The following SLC16A10 variants were observed in gnomAD, a reference collection of about 807,000 sequenced individuals.
SLC16A10 encodes solute carrier family 16 member 10, also known as monocarboxylate transporter 10.
In SLC16A10, 27 loss-of-function variants were observed where a neutral mutation model predicts 40.0. The observed-to-expected ratio is 0.67, with a 90% CI of 0.50 to 0.93. The LOEUF (loss-of-function observed/expected upper bound fraction) is 0.93. SLC16A10 is among the 40% of genes least tolerant of loss of function. SLC16A10 has a pLI of 0.00. For missense variants in SLC16A10, 529 were observed against 658.2 expected (o/e 0.80, Z 2.15); for synonymous variants, 213 against 249.8 (o/e 0.85, Z 1.39).
chr6:111,145,852 C>T (rs532819286), intron 1 of SLC16A10, among the ~76,000 whole-genome samples: 4 of 152,236 alleles, frequency 2.6e-5, no homozygotes, highest in Non-Finnish European at 4.4e-5. Context: ...TTGTCTGCTC[C>T]ACCCCTCCTC....
At chr6:111,128,699 G>A (rs1259901075) in intron 1 of SLC16A10, among the ~76,000 whole-genome samples, 3 of 152,070 alleles carry the variant, frequency 2.0e-5, no homozygotes, top group Admixed American at 1.3e-4. Context: ...GTTCCTTATA[G>A]AAGATGGAAG....
intron 1 of SLC16A10, among the ~76,000 whole-genome samples, chr6:111,157,840 A>C (rs1194990045): frequency 2.6e-5 from 4 of 151,966 alleles, no homozygotes; most frequent in Non-Finnish European, 4.4e-5. Context: ...AATTCCAAAT[A>C]GTTTATGTAG....
Position 111,206,643 on chromosome 6 carries a change from C to T in SLC16A10, c.994C>T (p.Leu332Phe), listed in dbSNP as rs1773259053. The T allele has an allele frequency of 6.2e-7, 1 of 1,613,948 alleles. No homozygotes were observed. Among genetic ancestry groups the T allele is most frequent in the Non-Finnish European group, 8.5e-7 (1 of 1,180,014 alleles). Residue 332 changes from leucine (L) to phenylalanine (F), a missense_variant, in exon 4 of 6, where the codon CTC becomes TTC. Coordinates refer to ENST00000368851, the MANE Select transcript of SLC16A10 (RefSeq NM_018593.5). ...AGATGAAAAAAATAAAGAGGTTGTTCTCATGTGCATTGGCGTCACTTCAGG... is the reference window on the plus strand; with the variant it reads ...AGATGAAAAAAATAAAGAGGTTGTTTTCATGTGCATTGGCGTCACTTCAGG... ...FQDEKNKEVV[L>F]MCIGVTSGVG...
chr6:111,106,052 G>A (rs1771279368), intron 1 of SLC16A10, among the ~76,000 whole-genome samples: 1 of 152,164 alleles, frequency 6.6e-6, no homozygotes, highest in Admixed American at 6.5e-5. Flanking sequence ...GACCACATTT[G>A]TCTGCTGTTG....
At position 111,230,913 on chromosome 6, in the gene SLC16A10, C is replaced by G. The variant is rs1479247158; in HGVS notation, c.*8678C>G. On this transcript the variant is annotated 3_prime_UTR_variant, in exon 6 of 6. Coordinates refer to ENST00000368851, the MANE Select transcript of SLC16A10 (RefSeq NM_018593.5). ...AGCTCTGCTTCTCTCCCAACCTACC[C>G]TGGGGCCATTTTTGGCACAATAGTT... The G allele has an allele frequency of 6.6e-6, 1 of 152,176 alleles. No individual in the cohort carries two copies. The highest frequency in any genetic ancestry group is 2.4e-5 in the African/African-American group (1 of 41,444). 9.4% of individuals were successfully genotyped at this position (152,176 alleles called of 1,614,324 possible).
At chr6:111,172,302 G>A (rs769607246) in intron 1 of SLC16A10, among the ~76,000 whole-genome samples, 11 of 152,088 alleles carry the variant, frequency 7.2e-5, no homozygotes, top group East Asian at 1.9e-4. Context: ...TTTCCTCAGC[G>A]AAGTCAGATT....
chr6:111,100,982 CTCTCTCTCTCTATATA>C (rs1433928273), intron 1 of SLC16A10, among the ~76,000 whole-genome samples: 1,383 of 116,538 alleles, frequency 0.012, 16 homozygotes, highest in African/African-American at 0.048. Flanking sequence ...CTCTCTCTCT[CTCTCTCTCTCTATATA>C]TATATATATA....
In SLC16A10 at chr6:111,222,182, C is replaced by G. The variant is rs762400362; in HGVS notation, c.1495C>G (p.Leu499Val). The G allele has an allele frequency of 6.2e-7, 1 of 1,606,966 alleles. No homozygotes were observed. The highest frequency in any genetic ancestry group is 2.2e-5 in the East Asian group (1 of 44,542). The change falls in exon 6 of 6, where the codon CTG becomes GTG. Residue 499 changes from leucine to valine, a missense_variant. By Grantham distance (32) the Leu-to-Val change is conservative. Transcript: ENST00000368851. Reference protein sequence around the residue: ...MEKMLENQNSLLSSSSGMFKK... With the variant: ...MEKMLENQNSVLSSSSGMFKK... ...GAAAATGTTGGAAAACCAGAACTCTCTGCTGTCAAGTTCATCTGGAATGTT... is the reference window on the plus strand; with the variant it reads ...GAAAATGTTGGAAAACCAGAACTCTGTGCTGTCAAGTTCATCTGGAATGTT...
rs144857898 is a variant in SLC16A10, at chr6:111,132,605, G to A, written c.344-40090G>A. Among the ~76,000 whole-genome samples the A allele has an allele frequency of 1.8e-3, 273 of 152,294 alleles. 1 individual carries two copies. Among genetic ancestry groups the A allele is most frequent in the African/African-American group, 6.4e-3 (268 of 41,554 alleles). ...TTCAAAACTATCCTAAGTCAAAAAA[G>A]CAAAAAGGTAACTTACTAACTCGAA... On this transcript the variant is annotated intron_variant, in intron 1 of 5. Coordinates refer to ENST00000368851, the MANE Select transcript of SLC16A10 (RefSeq NM_018593.5).
rs779312414 is a variant in SLC16A10 at position 111,222,226 on chromosome 6, T to C, written c.1539T>C (p.Ser513=). Residue 513 remains serine, a synonymous_variant, in exon 6 of 6, where the codon TCT becomes TCC. Transcript: ENST00000368851. ...GAATGTTCAAGAAAGAATCTGACTC[T>C]ATTATTTAATATCTTACATACCTCC... is the stretch of plus-strand genomic sequence containing the variant. ...SSGMFKKESD[S]II The C allele has an allele frequency of 2.5e-6, 4 of 1,599,538 alleles. No homozygotes were observed. Among genetic ancestry groups the C allele is most frequent in the Non-Finnish European group, 3.4e-6 (4 of 1,176,336 alleles).
chr6:111,088,661 T>G (rs2114417614), intron 1 of SLC16A10, among the ~76,000 whole-genome samples: 1 of 152,188 alleles, frequency 6.6e-6, no homozygotes, highest in Non-Finnish European at 1.5e-5. Context: ...CCCCCGCCTT[T>G]TTTTGCCCTC....
intron 1 of SLC16A10, among the ~76,000 whole-genome samples, chr6:111,097,550 G>T (rs1441693483): frequency 1.3e-5 from 2 of 151,990 alleles, no homozygotes; most frequent in African/African-American, 4.8e-5. Flanking sequence ...CTAATCTCAG[G>T]TGACCCACCC....
At chr6:111,139,402 A>C (rs1177740480) in intron 1 of SLC16A10, among the ~76,000 whole-genome samples, 1 of 152,016 alleles carries the variant, frequency 6.6e-6, no homozygotes, top group Admixed American at 6.5e-5. Context: ...CCTGGGTTCA[A>C]GTGATTCCCC....
rs543894521 is a variant in SLC16A10, at chr6:111,159,005, C to T, written c.344-13690C>T. 4.7e-5 allele frequency among the ~76,000 whole-genome samples: 6 copies of T among 128,626 alleles called. No homozygotes were observed. In the Admixed American group the frequency reaches 4.9e-4, roughly 11 times the overall value. 84.4% of individuals were successfully genotyped at this position (128,626 alleles called of 152,430 possible). ...GGTGGGAGGGTCAATTGACCAGAGG[C>T]TATAGTGAGCTGTGATCCTGCCACT... is the stretch of plus-strand genomic sequence containing the variant. On this transcript the variant is annotated intron_variant, in intron 1 of 5. Coordinates refer to ENST00000368851, the MANE Select transcript of SLC16A10 (RefSeq NM_018593.5).
chr6:111,088,802 A>AATTTTTAACCATATAGTAAATTAGATAC (rs1770921621), intron 1 of SLC16A10, among the ~76,000 whole-genome samples: 1 of 149,990 alleles, frequency 6.7e-6, no homozygotes, highest in Non-Finnish European at 1.5e-5. Flanking sequence ...AATTAGATAC[A>AATTTTTAACCATATAGTAAATTAGATAC]AAAGGTGCAG....
At chr6:111,138,314 C>T (rs971786209) in intron 1 of SLC16A10, among the ~76,000 whole-genome samples, 8 of 152,212 alleles carry the variant, frequency 5.3e-5, no homozygotes, top group African/African-American at 1.9e-4. Context: ...AGATAAAGAA[C>T]TAAAACTAGA....
At chr6:111,155,791 G>T (rs192942624) in intron 1 of SLC16A10, among the ~76,000 whole-genome samples, 39 of 152,330 alleles carry the variant, frequency 2.6e-4, no homozygotes, top group African/African-American at 9.1e-4. Flanking sequence ...GCATAGATAG[G>T]TTGGTATATG....
At chr6:111,111,828 A>G (rs1179980182) in intron 1 of SLC16A10, among the ~76,000 whole-genome samples, 2 of 152,194 alleles carry the variant, frequency 1.3e-5, no homozygotes, top group African/African-American at 4.8e-5. Context: ...TAGTGGCATT[A>G]AGTACATACA....
At chr6:111,219,387 G>A (rs996924054) in intron 5 of SLC16A10, among the ~76,000 whole-genome samples, 1 of 152,056 alleles carries the variant, frequency 6.6e-6, no homozygotes, top group African/African-American at 2.4e-5. Flanking sequence ...AAATTAGCCA[G>A]GCGTGGTGGC....
Sources: gnomAD v4.1 joint callset for allele counts (sites outside exome capture counted in the v4.1 genomes callset) on GRCh38, gnomAD v4.1.1 for gene constraint, MANE v1.5 for transcripts, NCBI Gene and HGNC (gene_info 2026-07-23, HGNC 2026-07-21) for gene names.